SPIDR: variants seen among roughly 807,000 people sequenced by gnomAD.
SPIDR encodes the protein scaffold protein involved in DNA repair.
A neutral mutation model predicts 104.6 loss-of-function variants in SPIDR; 93 were observed. The ratio of observed to expected loss-of-function variants is 0.89; its 90% CI spans 0.75 to 1.06. The LOEUF is 1.06. Ranked by LOEUF, SPIDR falls within the 50% of genes least tolerant of loss-of-function variation. The pLI is 0.00. For missense variants in SPIDR, 1,154 were observed against 1,111.2 expected (o/e 1.04, Z -0.55); for synonymous variants, 431 against 416.9 (o/e 1.03, Z -0.41).
intron 10 of SPIDR, among the ~76,000 whole-genome samples, chr8:47,640,592 A>G (rs2068702222): frequency 2.0e-5 from 3 of 152,304 alleles, no homozygotes; most frequent in East Asian, 1.9e-4. Context: ...AAATATTTTT[A>G]TATGTATTAC....
intron 1 of SPIDR, among the ~76,000 whole-genome samples, chr8:47,270,035 A>C (rs1160992238): frequency 6.6e-6 from 1 of 152,072 alleles, no homozygotes; most frequent in African/African-American, 2.4e-5. Context: ...CTCTTTGTAT[A>C]TGTTGCTGGA....
At chr8:47,560,981 C>G (rs2056995173) in intron 8 of SPIDR, among the ~76,000 whole-genome samples, 1 of 152,188 alleles carries the variant, frequency 6.6e-6, no homozygotes, top group Non-Finnish European at 1.5e-5. Flanking sequence ...TAGTTCACAC[C>G]TAGCTTCTTC....
chr8:47,565,280 A>G (rs2057642890), intron 8 of SPIDR, among the ~76,000 whole-genome samples: 1 of 152,092 alleles, frequency 6.6e-6, no homozygotes. Context: ...AGAGAGAGAA[A>G]TTGAAGAAGG....
intron 5 of SPIDR, among the ~76,000 whole-genome samples, chr8:47,343,964 CTTTTT>C (rs111460446): frequency 6.9e-6 from 1 of 145,104 alleles, no homozygotes; most frequent in Non-Finnish European, 1.5e-5. Context: ...TTGGCTTTTT[CTTTTT>C]TTTTTTATTA....
intron 5 of SPIDR, among the ~76,000 whole-genome samples, chr8:47,382,668 C>T (rs1184889388): frequency 6.6e-6 from 1 of 152,168 alleles, no homozygotes; most frequent in Non-Finnish European, 1.5e-5. Flanking sequence ...ACCTCGGCCT[C>T]CCAAAGTGCT....
intron 7 of SPIDR, among the ~76,000 whole-genome samples, chr8:47,421,458 C>T (rs1307757578): frequency 6.6e-6 from 1 of 152,182 alleles, no homozygotes; most frequent in African/African-American, 2.4e-5. Context: ...TTTTTAGCTC[C>T]ATGAGGTCCT....
chr8:47,362,390 A>C (rs938618137), intron 5 of SPIDR, among the ~76,000 whole-genome samples: 3 of 152,112 alleles, frequency 2.0e-5, no homozygotes, highest in Non-Finnish European at 4.4e-5. Flanking sequence ...TGTGGCTCGG[A>C]AGGCTGCCTT....
intron 11 of SPIDR, among the ~76,000 whole-genome samples, chr8:47,694,368 G>A (rs897868427): frequency 6.6e-6 from 1 of 152,204 alleles, no homozygotes; most frequent in South Asian, 2.1e-4. Context: ...GATGTGTAGT[G>A]TGTGGCCAGC....
chr8:47,328,038 T>C (rs1453798767), intron 5 of SPIDR, among the ~76,000 whole-genome samples: 1 of 146,952 alleles, frequency 6.8e-6, no homozygotes, highest in African/African-American at 2.5e-5. Flanking sequence ...TTTTTGACAA[T>C]ATTCTTGGAT....
intron 10 of SPIDR, among the ~76,000 whole-genome samples, chr8:47,651,365 T>A (rs1054207490): frequency 1.3e-5 from 2 of 152,060 alleles, no homozygotes; most frequent in African/African-American, 2.4e-5. Flanking sequence ...CATCACTAAT[T>A]ATCAGGGAAA....
chr8:47,302,623 G>C (rs978275227), intron 5 of SPIDR, among the ~76,000 whole-genome samples: 1 of 152,162 alleles, frequency 6.6e-6, no homozygotes, highest in Non-Finnish European at 1.5e-5. Context: ...ATGGGGTTTT[G>C]GTGTGCATGT....
At chr8:47,661,803 T>C (rs1439441305) in intron 10 of SPIDR, among the ~76,000 whole-genome samples, 1 of 152,232 alleles carries the variant, frequency 6.6e-6, no homozygotes, top group East Asian at 1.9e-4. Flanking sequence ...GAATATCCAC[T>C]TGTCTTATAA....
intron 19 of SPIDR, among the ~76,000 whole-genome samples, chr8:47,731,178 C>T (rs2085156886): frequency 6.6e-6 from 1 of 151,684 alleles, no homozygotes; most frequent in African/African-American, 2.4e-5. Flanking sequence ...ATCACTGGAA[C>T]TGGGGAGGTA....
chr8:47,459,692 T>C (rs1460720531), intron 8 of SPIDR, among the ~76,000 whole-genome samples: 1 of 152,160 alleles, frequency 6.6e-6, no homozygotes, highest in Admixed American at 6.5e-5. Context: ...TGTTGTTGTT[T>C]CTCTAGTTCC....
In SPIDR at chr8:47,390,350, C is replaced by T. The variant is rs565576473; in HGVS notation, c.526-6026C>T. Among the ~76,000 whole-genome samples the T allele has an allele frequency of 2.4e-4, 36 of 151,894 alleles. No homozygotes were observed. In the South Asian group the frequency reaches 7.3e-3, roughly 31 times the overall value. ...AGTTTTGTTTTAATGTGAAAATTTA[C>T]AAAACTCTTAAGTGTCTACCAACAG... is the stretch of plus-strand genomic sequence containing the variant. On this transcript the variant is annotated intron_variant, in intron 5 of 19. Transcript: ENST00000297423.
chr8:47,735,097 T>G (rs1289458155), intron 19 of SPIDR, among the ~76,000 whole-genome samples: 4 of 143,394 alleles, frequency 2.8e-5, no homozygotes, highest in African/African-American at 5.4e-5. Flanking sequence ...GGTGTGTGGG[T>G]GTGTGTGTGT....
At chr8:47,390,295 A>G (rs2060429265) in intron 5 of SPIDR, among the ~76,000 whole-genome samples, 1 of 152,152 alleles carries the variant, frequency 6.6e-6, no homozygotes, top group Non-Finnish European at 1.5e-5. Flanking sequence ...GTATGTGCCC[A>G]GTGAAACAAG....
At chr8:47,316,679 C>T (rs781890972) in intron 5 of SPIDR, among the ~76,000 whole-genome samples, 11 of 152,080 alleles carry the variant, frequency 7.2e-5, no homozygotes, top group Non-Finnish European at 1.5e-4. Flanking sequence ...AAAAGCAGTG[C>T]TGTCTTCGAT....
At chr8:47,700,299 ATG>A in intron 11 of SPIDR, 102 bp from the exon 12 acceptor site, 1 of 1,165,132 alleles carries the variant, frequency 8.6e-7, no homozygotes, top group Non-Finnish European at 1.3e-6. Flanking sequence ...TTGTAGTTCC[ATG>A]GCCTTAGGCA....
Sources: allele counts gnomAD v4.1 joint callset (sites outside exome capture counted in the v4.1 genomes callset), GRCh38; gene constraint gnomAD v4.1.1; transcripts MANE v1.5; gene names NCBI Gene and HGNC (gene_info 2026-07-23, HGNC 2026-07-21).